USP48: variants seen among roughly 807,000 people sequenced by gnomAD.
The protein encoded by USP48 is ubiquitin carboxyl-terminal hydrolase 48.
In USP48, 43 loss-of-function variants were observed where a neutral mutation model predicts 150.7. That is an observed-to-expected ratio of 0.29 (90% CI 0.22 to 0.37). USP48 has a LOEUF of 0.37. Ranked by LOEUF, USP48 falls within the 10% of genes least tolerant of loss-of-function variation. The pLI is 1.00. For missense variants in USP48, 813 were observed against 1,249.6 expected (o/e 0.65, Z 5.27); for synonymous variants, 396 against 425.9 (o/e 0.93, Z 0.86).
rs1464420679 is a variant in USP48, at chr1:21,782,989, GACCGCCGCAGCCGCCGCCGCGGTCTGC to G, written c.-59_-33del. 6.7e-7 allele frequency: 1 copy of G among 1,495,590 alleles called. No homozygotes were observed. Among genetic ancestry groups the G allele is most frequent in the Non-Finnish European group, 8.8e-7 (1 of 1,130,174 alleles). 92.6% of individuals were successfully genotyped at this position (1,495,590 alleles called of 1,614,324 possible). On this transcript the variant is annotated 5_prime_UTR_variant, in exon 1 of 27. Coordinates refer to ENST00000308271, the MANE Select transcript of USP48 (RefSeq NM_032236.8). ...GGCCCCAGGAACGCCTCCCGAGCCA[GACCGCCGCAGCCGCCGCCGCGGTCTGC>G]ACCGCCGCCCCAATGGGCTTCGCCA...
rs552812273 is a variant in USP48, at chr1:21,736,112, A to T, written c.1171+334T>A. On this transcript the variant is annotated intron_variant, in intron 9 of 26. Transcript: ENST00000308271. ...TTTGACAAAATTTTTACCTGACAAA[A>T]AAAATTTTGTCAGGTGTGGTGGCAC... Among the ~76,000 whole-genome samples, 12 of 152,152 alleles carry T rather than the reference A, an allele frequency of 7.9e-5. No individual in the cohort carries two copies. In the Middle Eastern group the frequency reaches 0.01, roughly 129 times the overall value.
chr1:21,722,038 A>G (rs1283833215), intron 12 of USP48, among the ~76,000 whole-genome samples: 1 of 152,194 alleles, frequency 6.6e-6, no homozygotes, highest in Non-Finnish European at 1.5e-5. Flanking sequence ...TTTACATGCA[A>G]TCTTTACAAG....
At chr1:21,772,935 C>CAAGA (rs981530204) in intron 1 of USP48, among the ~76,000 whole-genome samples, 1 of 134,182 alleles carries the variant, frequency 7.5e-6, no homozygotes, top group Non-Finnish European at 1.6e-5. Flanking sequence ...AAAAAAAAAC[C>CAAGA]AAGAAAGAAA....
chr1:21,759,598 T>C (rs941646184), intron 1 of USP48, among the ~76,000 whole-genome samples: 4 of 152,176 alleles, frequency 2.6e-5, no homozygotes, highest in African/African-American at 9.7e-5. Context: ...TACTGAAAGA[T>C]GGTGGAGACA....
At chr1:21,732,990 A>G (rs977208830) in intron 9 of USP48, among the ~76,000 whole-genome samples, 2 of 152,210 alleles carry the variant, frequency 1.3e-5, no homozygotes, top group African/African-American at 2.4e-5. Context: ...CCTTGCACCT[A>G]TGCTTGGATG....
Position 21,678,494 on chromosome 1 carries a change from GA to G in USP48, c.*922del, listed in dbSNP as rs2152485819. 6.6e-6 allele frequency: 1 copy of G among 152,230 alleles called. No homozygotes were observed. The highest frequency in any genetic ancestry group is 2.4e-5 in the African/African-American group (1 of 41,524). 9.4% of individuals were successfully genotyped at this position (152,230 alleles called of 1,614,324 possible). On this transcript the variant is annotated 3_prime_UTR_variant, in exon 27 of 27. Transcript: ENST00000308271. ...CATTTTGGAATAATGCTTTCAAAAAGAGAACTGAGGTCCAAGAAACAGTGAC... is the reference window on the plus strand; with the variant it reads ...CATTTTGGAATAATGCTTTCAAAAAGGAACTGAGGTCCAAGAAACAGTGAC...
At chr1:21,770,768 C>G (rs2097877725) in intron 1 of USP48, among the ~76,000 whole-genome samples, 1 of 151,832 alleles carries the variant, frequency 6.6e-6, no homozygotes, top group Admixed American at 6.6e-5. Context: ...AGGCATGAGC[C>G]ACTGCACCTG....
intron 7 of USP48, 46 bp downstream of exon 7, chr1:21,748,092 A>G: frequency 6.3e-7 from 1 of 1,590,058 alleles, no homozygotes; most frequent in Non-Finnish European, 8.6e-7. Flanking sequence ...GTCTGTACAT[A>G]GTAGACCACA....
At chr1:21,690,206 AGAGT>A in intron 23 of USP48, 107 bp from the exon 24 acceptor site, 39 of 1,298,614 alleles carry the variant, frequency 3.0e-5, no homozygotes, top group Non-Finnish European at 3.6e-5. Flanking sequence ...AAAAGGCTTC[AGAGT>A]ACAAAACCAC....
At position 21,680,767 on chromosome 1, in the gene USP48, ACT is replaced by A. The variant is rs71733475; in HGVS notation, c.3085+39_3085+40del. 9,576 of 1,557,830 alleles carry A rather than the reference ACT, an allele frequency of 6.1e-3. 496 individuals are homozygous for A. The African/African-American group carries it at 0.11, about 18-fold the overall frequency. ...CGCTTTAACAGAAAATTACAGGATG[ACT>A]CTGACATTCATGAACAAAACATGAC... On this transcript the variant is annotated intron_variant, in intron 26 of 26. Coordinates refer to ENST00000308271, the MANE Select transcript of USP48 (RefSeq NM_032236.8).
intron 25 of USP48, 22 bp from the exon 26 acceptor site, chr1:21,680,856 G>C: frequency 1.3e-6 from 2 of 1,568,600 alleles, no homozygotes; most frequent in Non-Finnish European, 1.7e-6. Context: ...AAAAAAAGAA[G>C]AATTCCAAAT....
chr1:21,723,459 A>T (rs531292490), intron 12 of USP48, among the ~76,000 whole-genome samples: 1 of 151,532 alleles, frequency 6.6e-6, no homozygotes, highest in South Asian at 2.1e-4. Flanking sequence ...GGTTGCAGTG[A>T]GTCGAGATTG....
At chr1:21,709,572 C>A (rs1209650829) in intron 15 of USP48, among the ~76,000 whole-genome samples, 1 of 146,186 alleles carries the variant, frequency 6.8e-6, no homozygotes, top group Non-Finnish European at 1.5e-5. Flanking sequence ...TAAATGGTTT[C>A]CTTTTTATGC....
intron 23 of USP48, among the ~76,000 whole-genome samples, chr1:21,691,353 G>T (rs1013544986): frequency 1.3e-5 from 2 of 149,236 alleles, no homozygotes; most frequent in African/African-American, 5.0e-5. Context: ...ATACTTTCCA[G>T]ATGAGTGTGG....
chr1:21,753,308 T>G (rs1352765364), intron 3 of USP48, among the ~76,000 whole-genome samples, 189 bp from the exon 4 acceptor site: 1 of 151,942 alleles, frequency 6.6e-6, no homozygotes, highest in Non-Finnish European at 1.5e-5. Context: ...CCCCAGCACT[T>G]TGGGAGGCCA....
chr1:21,713,251 C>T (rs2097695306), intron 15 of USP48, among the ~76,000 whole-genome samples: 1 of 152,060 alleles, frequency 6.6e-6, no homozygotes, highest in African/African-American at 2.4e-5. Context: ...AAAACTGATG[C>T]ATACGATCAC....
At chr1:21,730,491 G>C (rs1490780073) in intron 9 of USP48, among the ~76,000 whole-genome samples, 1 of 151,654 alleles carries the variant, frequency 6.6e-6, no homozygotes, top group East Asian at 2.0e-4. Context: ...GCCAGGTGCG[G>C]TGGCTCACAC....
At chr1:21,704,163 C>T (rs1168039252) in intron 20 of USP48, 99 bp downstream of exon 20, 25 of 1,414,556 alleles carry the variant, frequency 1.8e-5, no homozygotes, top group Admixed American at 7.1e-5. Context: ...TTGGGACCGC[C>T]GCATGATCTT....
chr1:21,779,591 A>G (rs948331190), intron 1 of USP48, among the ~76,000 whole-genome samples: 1 of 152,106 alleles, frequency 6.6e-6, no homozygotes, highest in African/African-American at 2.4e-5. Context: ...GTTACCACAC[A>G]ACCCAACAAT....
Sources: gnomAD v4.1 joint callset for allele counts (sites outside exome capture counted in the v4.1 genomes callset) on GRCh38, gnomAD v4.1.1 for gene constraint, MANE v1.5 for transcripts, NCBI Gene and HGNC (gene_info 2026-07-23, HGNC 2026-07-21) for gene names.